NUCB2: variants seen among roughly 807,000 people sequenced by gnomAD.
NUCB2 encodes nucleobindin 2, also known as nucleobindin-2.
A neutral mutation model predicts 57.9 loss-of-function variants in NUCB2; 48 were observed. The observed-to-expected ratio is 0.83, with a 90% CI of 0.66 to 1.05. The LOEUF is 1.05. Ranked by LOEUF, NUCB2 falls within the 50% of genes least tolerant of loss-of-function variation. NUCB2 has a pLI of 0.00. For missense variants in NUCB2, 442 were observed against 476.2 expected, an observed-to-expected ratio of 0.93 and a Z score of 0.67; for synonymous variants, 139 against 152.1, an observed-to-expected ratio of 0.91 and a Z score of 0.64.
rs1412548325 is a variant in NUCB2, at chr11:17,315,493, A to T, written c.1002+18A>T. The T allele has an allele frequency of 2.7e-6, 4 of 1,456,390 alleles. No individual in the cohort carries two copies. Among genetic ancestry groups the T allele is most frequent in the Non-Finnish European group, 3.8e-6 (4 of 1,040,500 alleles). 90.2% of individuals were successfully genotyped at this position (1,456,390 alleles called of 1,614,324 possible). A position where few individuals can be genotyped will look rare whatever the true frequency, so the allele number is the denominator to read the frequency against. ...GCTGGGAGGTAATAGAACCTACTCT[A>T]AATGAGATGTATGGTTCAACAAATT... On this transcript the variant is annotated intron_variant, in intron 11 of 13. Coordinates refer to ENST00000529010, the MANE Select transcript of NUCB2 (RefSeq NM_005013.4).
rs771639233 is a variant in NUCB2, at chr11:17,347,472, C to T, written n.2627-1873C>T. ...TGTCCAATTCTTTGTTTGACTGAAG[C>T]GTTTCAGAATTAAGCTGCAAACATT... On this transcript the variant is annotated intron_variant and non_coding_transcript_variant, in intron 2 of 2. Transcript: ENST00000532240. 3.3e-5 allele frequency among the ~76,000 whole-genome samples: 5 copies of T among 152,164 alleles called. No individual in the cohort carries two copies. The South Asian group carries it at 1.0e-3, about 32-fold the overall frequency.
At chr11:17,315,784 C>T (rs1254508937) in intron 11 of NUCB2, among the ~76,000 whole-genome samples, 1 of 151,898 alleles carries the variant, frequency 6.6e-6, no homozygotes, top group African/African-American at 2.4e-5. Flanking sequence ...TTAGAATTCA[C>T]CTATAATTTT....
At chr11:17,340,179 T>C (rs1295090171) in intron 2 of NUCB2, among the ~76,000 whole-genome samples, 3 of 152,346 alleles carry the variant, frequency 2.0e-5, no homozygotes, top group South Asian at 4.1e-4. Context: ...TCATATCCTT[T>C]GCCCACTTTT....
intron 5 of NUCB2, among the ~76,000 whole-genome samples, chr11:17,306,827 G>A (rs574733677): frequency 4.5e-4 from 68 of 151,582 alleles, no homozygotes; most frequent in African/African-American, 1.6e-3. Flanking sequence ...AAGGAGAATC[G>A]CTTGAACACA....
chr11:17,340,434 T>C lies in NUCB2; in HGVS notation n.2626+2900T>C, dbSNP rs550388401. 2.1e-4 allele frequency among the ~76,000 whole-genome samples: 32 copies of C among 152,068 alleles called. No homozygotes were observed. In the East Asian group the frequency reaches 4.2e-3, roughly 20 times the overall value. ...CATGAGGTCCTTGCCCATGCCTATGTCCTGAATGGTATTGCCTAGGTTTTC... is the reference window on the plus strand; with the variant it reads ...CATGAGGTCCTTGCCCATGCCTATGCCCTGAATGGTATTGCCTAGGTTTTC... On this transcript the variant is annotated intron_variant and non_coding_transcript_variant, in intron 2 of 2. Coordinates refer to the NUCB2 transcript ENST00000532240.
At chr11:17,305,630 AT>A (rs1011158791) in intron 5 of NUCB2, among the ~76,000 whole-genome samples, 56 of 147,542 alleles carry the variant, frequency 3.8e-4, no homozygotes, top group African/African-American at 7.9e-4. Flanking sequence ...ATTATTATTA[AT>A]TTTTTTTTTT....
chr11:17,327,684 T>C (rs1211281343), intron 11 of NUCB2, among the ~76,000 whole-genome samples: 3 of 152,172 alleles, frequency 2.0e-5, no homozygotes, highest in Non-Finnish European at 2.9e-5. Flanking sequence ...TTCTTTCTTA[T>C]ACTTGATCAG....
chr11:17,313,270 C>G (rs1948772233), intron 10 of NUCB2, among the ~76,000 whole-genome samples: 1 of 151,910 alleles, frequency 6.6e-6, no homozygotes, highest in South Asian at 2.1e-4. Flanking sequence ...TAGCTCATGC[C>G]TATAATCCCA....
chr11:17,288,426 C>T (rs1323875858), intron 2 of NUCB2, among the ~76,000 whole-genome samples: 1 of 152,094 alleles, frequency 6.6e-6, no homozygotes, highest in Non-Finnish European at 1.5e-5. Flanking sequence ...CTCCTGGGTT[C>T]AAGCAGTCTT....
chr11:17,310,240 T>C (rs1012840316), intron 6 of NUCB2, among the ~76,000 whole-genome samples: 4 of 152,172 alleles, frequency 2.6e-5, no homozygotes, highest in Admixed American at 2.6e-4. Flanking sequence ...CTTCTTCTTT[T>C]TTTTTTTTAA....
intron 10 of NUCB2, among the ~76,000 whole-genome samples, chr11:17,315,029 C>A (rs1270849916): frequency 6.6e-6 from 1 of 151,916 alleles, no homozygotes; most frequent in Non-Finnish European, 1.5e-5. Context: ...TTTTTCTTAC[C>A]CAAGAACTTG....
chr11:17,344,478 G>A (rs1018395235), intron 2 of NUCB2, among the ~76,000 whole-genome samples: 3 of 152,032 alleles, frequency 2.0e-5, no homozygotes, highest in Admixed American at 2.0e-4. Context: ...CTTTTGTATT[G>A]ACTTTCCCAC....
intron 2 of NUCB2, among the ~76,000 whole-genome samples, chr11:17,338,514 T>G (rs1184654834): frequency 6.6e-6 from 1 of 152,184 alleles, no homozygotes; most frequent in Non-Finnish European, 1.5e-5. Flanking sequence ...TGGGAAAATT[T>G]GCTTACCTCC....
chr11:17,301,545 C>T (rs567734089), intron 4 of NUCB2, among the ~76,000 whole-genome samples, 199 bp from the exon 5 acceptor site: 2 of 152,248 alleles, frequency 1.3e-5, no homozygotes, highest in South Asian at 2.1e-4. Context: ...TCCCAAAGTG[C>T]TGGGATTACA....
intron 4 of NUCB2, 64 bp downstream of exon 4, chr11:17,296,275 G>T (rs1945805318): frequency 3.1e-6 from 3 of 971,492 alleles, no homozygotes; most frequent in African/African-American, 1.7e-5. Context: ...TAGAGATGAG[G>T]TCTCACCATA....
intron 2 of NUCB2, among the ~76,000 whole-genome samples, chr11:17,293,040 G>A (rs968782414): frequency 3.9e-5 from 6 of 152,060 alleles, no homozygotes; most frequent in Non-Finnish European, 5.9e-5. Flanking sequence ...GATCATCTGA[G>A]GTCAGGAGTT....
At chr11:17,337,700 A>G (rs1012460494) in intron 2 of NUCB2, among the ~76,000 whole-genome samples, 3 of 151,936 alleles carry the variant, frequency 2.0e-5, no homozygotes, top group Admixed American at 1.3e-4. Context: ...CTAGAGTGCA[A>G]TGGCTCACTG....
At chr11:17,293,577 A>G (rs560539119) in intron 2 of NUCB2, among the ~76,000 whole-genome samples, 7 of 152,384 alleles carry the variant, frequency 4.6e-5, no homozygotes, top group Admixed American at 3.9e-4. Context: ...ACCTGTTAAC[A>G]AAGTAACTTA....
At chr11:17,325,485 C>T (rs1389668291) in intron 11 of NUCB2, among the ~76,000 whole-genome samples, 5 of 152,152 alleles carry the variant, frequency 3.3e-5, no homozygotes, top group Non-Finnish European at 7.3e-5. Flanking sequence ...GATGTAAGTA[C>T]TGCTCCTGCT....
Sources: gnomAD v4.1 joint callset for allele counts (sites outside exome capture counted in the v4.1 genomes callset) on GRCh38, gnomAD v4.1.1 for gene constraint, MANE v1.5 for transcripts, NCBI Gene and HGNC (gene_info 2026-07-23, HGNC 2026-07-21) for gene names.